Variants in NXPE2 observed in about 807,000 individuals in gnomAD.
NXPE2 encodes neurexophilin and PC-esterase domain family member 2.
In NXPE2, 34 loss-of-function variants were observed where a neutral mutation model predicts 34.4. That is an observed-to-expected ratio of 0.99 (90% CI 0.75 to 1.31). The LOEUF is 1.31. Among genes scored for constraint, NXPE2 ranks in the 40% most tolerant of loss-of-function variants. The pLI, the probability that NXPE2 is intolerant of heterozygous loss-of-function variation, is 0.00. For missense variants in NXPE2, 649 were observed against 672.5 expected, an observed-to-expected ratio of 0.97 and a Z score of 0.39; for synonymous variants, 235 against 231.3, an observed-to-expected ratio of 1.02 and a Z score of -0.15.
the NXPE2 span, among the ~76,000 whole-genome samples, chr11:114,611,639 G>A: frequency 2.0e-3 from 304 of 152,020 alleles, 1 homozygote; most frequent in African/African-American, 7.1e-3. Context: ...TACCTCGTGT[G>A]TAGCCACTGT....
the NXPE2 span, among the ~76,000 whole-genome samples, chr11:114,767,530 AAT>A: frequency 6.6e-6 from 1 of 152,232 alleles, no homozygotes; most frequent in Non-Finnish European, 1.5e-5. Flanking sequence ...TTAATTTACA[AAT>A]ATGTCTATCC....
At chr11:114,752,803 T>C in the NXPE2 span, among the ~76,000 whole-genome samples, 1 of 152,144 alleles carries the variant, frequency 6.6e-6, no homozygotes, top group Non-Finnish European at 1.5e-5. Flanking sequence ...TAGAGATGTC[T>C]AGTAACCAAT....
chr11:114,567,034 A>G, the NXPE2 span, among the ~76,000 whole-genome samples: 3 of 152,202 alleles, frequency 2.0e-5, no homozygotes. Flanking sequence ...GGGGCATTGC[A>G]GAAAGAAGGA....
the NXPE2 span, among the ~76,000 whole-genome samples, chr11:114,667,699 C>G: frequency 6.6e-6 from 1 of 152,058 alleles, no homozygotes; most frequent in African/African-American, 2.4e-5. Context: ...ACCTTGCTAA[C>G]AGACAGCAAA....
rs539527049 is a variant in NXPE2, at chr11:114,690,243, A to G, written c.133-7802A>G. On this transcript the variant is annotated intron_variant, in intron 2 of 5. Coordinates refer to ENST00000389586, the MANE Select transcript of NXPE2 (RefSeq NM_182495.6). ...TAGCAAGTAACATTCTTTTATTTCC[A>G]TATTTAGAACTCTTGAAGGAGATGC... is the stretch of plus-strand genomic sequence containing the variant. Among the ~76,000 whole-genome samples the G allele has an allele frequency of 2.0e-5, 3 of 152,070 alleles. No individual in the cohort carries two copies. The South Asian group carries it at 6.2e-4, about 32-fold the overall frequency.
the NXPE2 span, among the ~76,000 whole-genome samples, chr11:114,625,398 A>T: frequency 2.0e-5 from 3 of 152,088 alleles, no homozygotes; most frequent in Non-Finnish European, 4.4e-5. Flanking sequence ...GTGGATAATA[A>T]GTATTGCCTC....
chr11:114,670,851 G>A, the NXPE2 span, among the ~76,000 whole-genome samples: 4 of 151,400 alleles, frequency 2.6e-5, no homozygotes, highest in South Asian at 2.1e-4. Flanking sequence ...AATGACTCAC[G>A]AACAGGAGAA....
the NXPE2 span, among the ~76,000 whole-genome samples, chr11:114,606,018 C>A: frequency 2.0e-5 from 3 of 151,824 alleles, no homozygotes; most frequent in East Asian, 5.8e-4. Context: ...CATGGGTAAC[C>A]ACTGTTACCA....
chr11:114,638,559 C>T, the NXPE2 span, among the ~76,000 whole-genome samples: 11 of 151,988 alleles, frequency 7.2e-5, no homozygotes, highest in African/African-American at 2.2e-4. Flanking sequence ...TAGAGTTTCC[C>T]GTTTTTCTGC....
chr11:114,571,320 C>T, the NXPE2 span: 36 of 1,613,854 alleles, frequency 2.2e-5, no homozygotes, highest in East Asian at 1.1e-4. Context: ...GTCAATGGCC[C>T]GGGTGAGGTA....
chr11:114,691,289 A>G (rs911718573), intron 2 of NXPE2, among the ~76,000 whole-genome samples: 2 of 150,992 alleles, frequency 1.3e-5, no homozygotes, highest in African/African-American at 4.9e-5. Flanking sequence ...GGGTATGGCT[A>G]TGGTGTATGT....
At chr11:114,620,548 C>G in the NXPE2 span, among the ~76,000 whole-genome samples, 2 of 151,874 alleles carry the variant, frequency 1.3e-5, no homozygotes, top group Non-Finnish European at 2.9e-5. Context: ...AGTGTTGCCT[C>G]TAGGGTAACC....
At chr11:114,777,569 G>T in the NXPE2 span, among the ~76,000 whole-genome samples, 1 of 152,148 alleles carries the variant, frequency 6.6e-6, no homozygotes, top group African/African-American at 2.4e-5. Context: ...GCAGGATGAG[G>T]CATTTCCATG....
the NXPE2 span, among the ~76,000 whole-genome samples, chr11:114,755,554 A>C: frequency 6.6e-6 from 1 of 152,180 alleles, no homozygotes; most frequent in Non-Finnish European, 1.5e-5. Flanking sequence ...GGAAAACCAC[A>C]CACCATTCTG....
chr11:114,513,865 AG>A, the NXPE2 span, among the ~76,000 whole-genome samples: 2 of 141,198 alleles, frequency 1.4e-5, no homozygotes, highest in Non-Finnish European at 3.0e-5. Flanking sequence ...TGAAATGCAA[AG>A]ACTTTTTGTA....
At chr11:114,616,603 G>A in the NXPE2 span, among the ~76,000 whole-genome samples, 1 of 140,260 alleles carries the variant, frequency 7.1e-6, no homozygotes, top group Admixed American at 7.0e-5. Context: ...AATGAGTATT[G>A]CCTCATGGGT....
chr11:114,581,741 A>T, the NXPE2 span: 1 of 1,612,178 alleles, frequency 6.2e-7, no homozygotes, highest in South Asian at 1.1e-5. Context: ...ATTTGGAGAC[A>T]CTAATTGTAT....
At chr11:114,761,853 C>A in the NXPE2 span, among the ~76,000 whole-genome samples, 1 of 152,048 alleles carries the variant, frequency 6.6e-6, no homozygotes, top group Non-Finnish European at 1.5e-5. Context: ...GGATTACAGG[C>A]GTGAGCCACC....
the NXPE2 span, among the ~76,000 whole-genome samples, chr11:114,501,425 A>G: frequency 1.3e-5 from 2 of 152,180 alleles, no homozygotes; most frequent in Admixed American, 6.5e-5. Flanking sequence ...GGAAGAGATA[A>G]TTAGCCTGTT....
Sources: gnomAD v4.1 joint callset for allele counts (sites outside exome capture counted in the v4.1 genomes callset) on GRCh38, gnomAD v4.1.1 for gene constraint, MANE v1.5 for transcripts, NCBI Gene and HGNC (gene_info 2026-07-23, HGNC 2026-07-21) for gene names.